The following KLK6 variants were observed in gnomAD, a reference collection of about 807,000 sequenced individuals.
KLK6 encodes the protein kallikrein-6.
In KLK6, 16 loss-of-function variants were observed where a neutral mutation model predicts 21.7. The observed-to-expected ratio is 0.74, with a 90% confidence interval of 0.50 to 1.12. KLK6 has a LOEUF of 1.12. Among genes scored for constraint, KLK6 ranks in the 50% most tolerant of loss-of-function variants. The pLI, the probability that KLK6 is intolerant of heterozygous loss-of-function variation, is 0.00. For missense variants in KLK6, 276 were observed against 304.6 expected (o/e 0.91, Z 0.70); for synonymous variants, 116 against 120.1 (o/e 0.97, Z 0.22).
intron 4 of KLK6, 90 bp downstream of exon 4, chr19:50,967,076 TGGG>T: frequency 7.1e-7 from 1 of 1,403,490 alleles, no homozygotes; most frequent in Non-Finnish European, 1.0e-6. Context: ...CGTGCTGGGA[TGGG>T]GGGGATGCCT....
At position 50,967,228 on chromosome 19, in the gene KLK6, G is replaced by A. The variant is rs375971354; in HGVS notation, c.138C>T (p.Leu46=). Reference sequence around the variant, plus strand: ...GTGGATGGATAAGGACCCCACCACAGAGCAAGTGGCCCGAGGTGTAGAGGG... The same window carrying A: ...GTGGATGGATAAGGACCCCACCACAAAGCAAGTGGCCCGAGGTGTAGAGGG... The part of the protein sequence containing the change: ...QAALYTSGHL[L]CGGVLIHPLW... The change falls in exon 4 of 7, where the codon CTC becomes CTT. Residue 46 remains leucine, a synonymous_variant. Coordinates refer to ENST00000310157, the MANE Select transcript of KLK6 (RefSeq NM_002774.4). 4 of 1,614,028 alleles carry A rather than the reference G, an allele frequency of 2.5e-6. No homozygotes were observed. Among genetic ancestry groups the A allele is most frequent in the South Asian group, 1.1e-5 (1 of 91,090 alleles).
chr19:50,967,956 T>TC, intron 3 of KLK6, 109 bp downstream of exon 3: 4 of 742,442 alleles, frequency 5.4e-6, no homozygotes, highest in Admixed American at 2.1e-5. Context: ...ATTTCAAAGC[T>TC]CCCCCACCCC....
chr19:50,958,853 G>A lies in KLK6; in HGVS notation c.*311C>T. The A allele has an allele frequency of 2.8e-6, 1 of 352,504 alleles. No individual in the cohort carries two copies. The highest frequency in any genetic ancestry group is 4.3e-5 in the South Asian group (1 of 23,204). 21.8% of individuals were successfully genotyped at this position (352,504 alleles called of 1,614,324 possible). On this transcript the variant is annotated 3_prime_UTR_variant, in exon 7 of 7. Coordinates refer to ENST00000310157, the MANE Select transcript of KLK6 (RefSeq NM_002774.4). ...GCTGGGATTCCAGACACGTGGCTGG[G>A]CCTCTGCAGGAAGAAATCAAACGTG... is the stretch of plus-strand genomic sequence containing the variant.
chr19:50,968,798 C>A (rs941956780), intron 1 of KLK6: 2 of 153,192 alleles, frequency 1.3e-5, no homozygotes, highest in African/African-American at 4.8e-5. Context: ...TCCTTTTAAC[C>A]CCTGTCTCTC....
rs1317614364 is a variant in KLK6 at position 50,967,292 on chromosome 19, C to T, written c.74G>A (p.Gly25Asp). 2.5e-6 allele frequency: 4 copies of T among 1,612,978 alleles called. No homozygotes were observed. In the African/African-American group the frequency reaches 5.3e-5, roughly 22 times the overall value. Reference protein sequence around the residue: ...WAEEQNKLVHGGPCDKTSHPY... With the variant: ...WAEEQNKLVHDGPCDKTSHPY... ...GTGAGATGTCTTGTCGCAGGGTCCG[C>T]CATGCACCAACTTATTCTGCTCCTC... is the stretch of plus-strand genomic sequence containing the variant. Residue 25 changes from glycine to aspartate, a missense_variant, in exon 4 of 7, where the codon GGC (glycine) becomes GAC (aspartate). Gly to Asp is a moderately conservative substitution (Grantham distance 94). Transcript: ENST00000310157.
At chr19:50,965,229 A>G (rs2090906014) in intron 4 of KLK6, among the ~76,000 whole-genome samples, 2 of 151,218 alleles carry the variant, frequency 1.3e-5, no homozygotes, top group East Asian at 1.9e-4. Flanking sequence ...CGGCCTCCCA[A>G]AGTGCTGGGA....
In KLK6 at chr19:50,961,919, T is replaced by G. The variant is rs145562169; in HGVS notation, c.446-39A>C. Reference sequence around the variant, plus strand: ...GATGGGCCAGACTCAGCCCAGGCCTTGCACTCCCCTCATCCTCCCCAGTCA... The same window carrying G: ...GATGGGCCAGACTCAGCCCAGGCCTGGCACTCCCCTCATCCTCCCCAGTCA... On this transcript the variant is annotated intron_variant, in intron 5 of 6. Coordinates refer to ENST00000310157, the MANE Select transcript of KLK6 (RefSeq NM_002774.4). The G allele has an allele frequency of 3.6e-5, 58 of 1,600,656 alleles. No homozygotes were observed. In the African/African-American group the frequency reaches 7.5e-4, roughly 21 times the overall value.
Position 50,968,069 on chromosome 19 carries a change from A to G in KLK6, c.36T>C (p.Ala12=), listed in dbSNP as rs1443057055. 6.2e-7 allele frequency: 1 copy of G among 1,613,638 alleles called. No individual in the cohort carries two copies. The highest frequency in any genetic ancestry group is 1.7e-5 in the Admixed American group (1 of 59,962). The change falls in exon 3 of 7, where the codon GCT becomes GCC. Residue 12 remains alanine, a synonymous_variant. Transcript: ENST00000310157. ...KKLMVVLSLI[A]AAWAEEQNKL... The stretch of plus-strand genomic sequence containing the variant: ...ATCCAAATGCCCTTTCCCCACCTGC[A>G]GCAATCAGACTCAGCACCACCATCA...
At chr19:50,959,437 GGTACTTACTGA>G in intron 6 of KLK6, 121 bp from the exon 7 acceptor site, 2 of 853,142 alleles carry the variant, frequency 2.3e-6, no homozygotes, top group Non-Finnish European at 1.8e-6. Flanking sequence ...AAGGGACAGA[GGTACTTACTGA>G]AAGATGGAGA....
rs763399279 is a variant in KLK6, at chr19:50,968,161, C to G, written c.-8-49G>C. ...CATTAGTCACTGCCTCGACCCTCCC[C>G]CCATCCCTCTGTCTGCTCCCTCTGC... On this transcript the variant is annotated intron_variant, in intron 2 of 6. Transcript: ENST00000310157. The G allele has an allele frequency of 3.9e-6, 6 of 1,540,666 alleles. No individual in the cohort carries two copies. In the African/African-American group the frequency reaches 8.2e-5, roughly 21 times the overall value.
Position 50,959,161 on chromosome 19 carries a change from G to T in KLK6, c.*3C>A. ...GTCGGGAGGTAGATGTCACATGTCA[G>T]GGTCACTTGGCCTGAATGGTTTTTT... On this transcript the variant is annotated 3_prime_UTR_variant, in exon 7 of 7. Transcript: ENST00000310157. 1 of 1,614,138 alleles carries T rather than the reference G, an allele frequency of 6.2e-7. No homozygotes were observed. The highest frequency in any genetic ancestry group is 8.5e-7 in the Non-Finnish European group (1 of 1,180,006).
intron 5 of KLK6, chr19:50,962,167 C>G (rs1428898782): frequency 3.0e-6 from 1 of 328,828 alleles, no homozygotes. Context: ...TCTTAGGTCC[C>G]TCCTCCACTT....
At position 50,965,961 on chromosome 19, in the gene KLK6, G is replaced by T. The variant is rs543806717; in HGVS notation, c.197+1208C>A. On this transcript the variant is annotated intron_variant, in intron 4 of 6. Transcript: ENST00000310157. The stretch of plus-strand genomic sequence containing the variant: ...TGACTAGTGAGGATCAGCGCCCAGG[G>T]TTTTTGTCCTGGGCCCTCCAGCTCC... Among the ~76,000 whole-genome samples, 5 of 152,254 alleles carry T rather than the reference G, an allele frequency of 3.3e-5. No individual in the cohort carries two copies. The South Asian group carries it at 8.3e-4, about 25-fold the overall frequency.
chr19:50,961,119 C>T, intron 6 of KLK6, among the ~76,000 whole-genome samples: 1 of 35,510 alleles, frequency 2.8e-5, no homozygotes, highest in African/African-American at 1.3e-4. Flanking sequence ...AGGCTGGTCT[C>T]GAACTCCTGA....
intron 5 of KLK6, 131 bp from the exon 6 acceptor site, chr19:50,962,011 G>A: frequency 2.1e-6 from 2 of 961,044 alleles, no homozygotes; most frequent in Non-Finnish European, 1.5e-6. Flanking sequence ...CCCTCTTCCT[G>A]TTTGTCTCTC....
chr19:50,963,883 C>G (rs867205964), intron 4 of KLK6, among the ~76,000 whole-genome samples: 1 of 152,156 alleles, frequency 6.6e-6, no homozygotes, highest in Non-Finnish European at 1.5e-5. Context: ...CACTGGGCTC[C>G]CTGCTCTGTC....
intron 4 of KLK6, among the ~76,000 whole-genome samples, chr19:50,965,706 T>C (rs1600096511): frequency 6.6e-6 from 1 of 152,208 alleles, no homozygotes; most frequent in East Asian, 1.9e-4. Context: ...TCTTAGTCAA[T>C]GTACATCAAA....
At chr19:50,965,974 G>T (rs1353138211) in intron 4 of KLK6, among the ~76,000 whole-genome samples, 1 of 152,032 alleles carries the variant, frequency 6.6e-6, no homozygotes, top group African/African-American at 2.4e-5. Flanking sequence ...TTTGTCCTGG[G>T]CCCTCCAGCT....
chr19:50,967,989 C>G (rs1308984333), intron 3 of KLK6, 76 bp downstream of exon 3: 1 of 1,354,374 alleles, frequency 7.4e-7, no homozygotes, highest in East Asian at 2.3e-5. Flanking sequence ...ATCCCCATCC[C>G]CAATACCAGC....
Sources: gnomAD v4.1 joint callset for allele counts (sites outside exome capture counted in the v4.1 genomes callset) on GRCh38, gnomAD v4.1.1 for gene constraint, MANE v1.5 for transcripts, NCBI Gene and HGNC (gene_info 2026-07-23, HGNC 2026-07-21) for gene names.